The following SV2B variants were observed in gnomAD, a reference collection of about 807,000 sequenced individuals.
The protein encoded by SV2B is solute carrier family 22 member B2.
A neutral mutation model predicts 73.9 loss-of-function variants in SV2B; 41 were observed. That is an observed-to-expected ratio of 0.56 (90% confidence interval 0.43 to 0.72). SV2B has a LOEUF of 0.72. Ranked by LOEUF, SV2B falls within the 30% of genes least tolerant of loss-of-function variation. The probability of loss-of-function intolerance (pLI) is 0.00; values close to 1 mark genes in which losing one functional copy is unlikely to be tolerated. For synonymous variants in SV2B, 314 were observed against 314.2 expected (o/e 1.00, Z 0.01); for missense variants, 764 against 857.8 (o/e 0.89, Z 1.37).
chr15:91,195,055 G>T (rs1206468394), intron 1 of SV2B, among the ~76,000 whole-genome samples: 1 of 152,136 alleles, frequency 6.6e-6, no homozygotes, highest in African/African-American at 2.4e-5. Context: ...ACTCTTACTT[G>T]TTTTAAGTCA....
chr15:91,177,857 C>T (rs1216843913), intron 1 of SV2B, among the ~76,000 whole-genome samples: 1 of 143,988 alleles, frequency 6.9e-6, no homozygotes, highest in Admixed American at 6.8e-5. Flanking sequence ...ATTTGACTTC[C>T]TCTTTTCCTA....
chr15:91,226,816 C>A, intron 2 of SV2B, 102 bp downstream of exon 2: 1 of 1,369,506 alleles, frequency 7.3e-7, no homozygotes, highest in Admixed American at 2.8e-5. Context: ...TCACAATGTA[C>A]CCATTTTGCT....
rs578036220 is a variant in SV2B at position 91,268,124 on chromosome 15, T to A, written c.1209-317T>A. ...AGCCAGTGGGGATGTCTTTAGTGTT[T>A]CCCTATTCACTAAGATTCTGGCTGA... On this transcript the variant is annotated intron_variant, in intron 8 of 12. Coordinates refer to ENST00000394232, the MANE Select transcript of SV2B (RefSeq NM_001323032.3). The surrounding 1 kb of genome is among the most constrained non-coding windows in gnomAD (Gnocchi z 4.4). Among the ~76,000 whole-genome samples, 18 of 152,326 alleles carry A rather than the reference T, an allele frequency of 1.2e-4. No individual in the cohort carries two copies. The highest frequency in any genetic ancestry group is 1.0e-3 in the South Asian group (5 of 4,824).
At chr15:91,150,300 C>A (rs1397565276) in intron 1 of SV2B, among the ~76,000 whole-genome samples, 1 of 152,194 alleles carries the variant, frequency 6.6e-6, no homozygotes, top group Non-Finnish European at 1.5e-5. Context: ...AGCCACCACG[C>A]CCGGCTTCTG....
chr15:91,211,139 C>T (rs912238146), intron 1 of SV2B, among the ~76,000 whole-genome samples: 6 of 152,318 alleles, frequency 3.9e-5, no homozygotes, highest in Admixed American at 1.3e-4. Flanking sequence ...GTTTCGAAGC[C>T]GCTAAGAGAG....
rs768522966 is a variant in SV2B at position 91,289,732 on chromosome 15, A to G, written c.1868+52A>G. On this transcript the variant is annotated intron_variant, in intron 12 of 12. Coordinates refer to ENST00000394232, the MANE Select transcript of SV2B (RefSeq NM_001323032.3). This position sits in a 1 kb window ranked among gnomAD's most constrained non-coding sequence, Gnocchi z 4.9. ...GGGACTTGTTTGGGCTTCTTTGGCC[A>G]GAAGTCTACCTGCTCCCTAAATCTC... The G allele has an allele frequency of 8.9e-6, 14 of 1,578,518 alleles. No individual in the cohort carries two copies. The Admixed American group carries it at 2.5e-4, about 29-fold the overall frequency.
chr15:91,188,620 G>T (rs1052244782), intron 1 of SV2B, among the ~76,000 whole-genome samples: 1 of 151,498 alleles, frequency 6.6e-6, no homozygotes, highest in Admixed American at 6.6e-5. Context: ...CGGCCTGAAT[G>T]TTCCTTATTT....
At chr15:91,244,620 G>C (rs1014113580) in intron 2 of SV2B, among the ~76,000 whole-genome samples, 1 of 152,182 alleles carries the variant, frequency 6.6e-6, no homozygotes, top group African/African-American at 2.4e-5. Context: ...TGGATACCCT[G>C]ATGTTCCTCC....
chr15:91,272,552 G>A (rs116660606), intron 9 of SV2B, among the ~76,000 whole-genome samples: 126 of 152,266 alleles, frequency 8.3e-4, no homozygotes, highest in African/African-American at 2.8e-3. Context: ...AGGTAGGAAC[G>A]TGTAACTGCT....
At chr15:91,177,529 G>A (rs939904117) in intron 1 of SV2B, among the ~76,000 whole-genome samples, 58 of 149,860 alleles carry the variant, frequency 3.9e-4, no homozygotes, top group Non-Finnish European at 5.9e-4. Flanking sequence ...CATGAGCATG[G>A]AATGTTCTTC....
intron 1 of SV2B, among the ~76,000 whole-genome samples, chr15:91,162,831 T>C (rs1025239854): frequency 6.6e-6 from 1 of 152,210 alleles, no homozygotes; most frequent in African/African-American, 2.4e-5. Context: ...GCAGGTTTGT[T>C]ACATATGTAT....
intron 2 of SV2B, among the ~76,000 whole-genome samples, chr15:91,243,056 G>T (rs8027716): frequency 0.28 from 42,307 of 152,062 alleles, 8,195 homozygotes; most frequent in African/African-American, 0.55. Context: ...TGTATAACCT[G>T]CCTGGGCCCT....
chr15:91,201,739 C>G (rs1596571697), intron 1 of SV2B, among the ~76,000 whole-genome samples: 1 of 152,204 alleles, frequency 6.6e-6, no homozygotes, highest in African/African-American at 2.4e-5. Flanking sequence ...TTATCGGATC[C>G]ATCTGCAAAT....
Position 91,281,938 on chromosome 15 carries a change from G to A in SV2B, c.1507+77G>A. On this transcript the variant is annotated intron_variant, in intron 10 of 12. Coordinates refer to ENST00000394232, the MANE Select transcript of SV2B (RefSeq NM_001323032.3). The surrounding 1 kb of genome is among the most constrained non-coding windows in gnomAD (Gnocchi z 4.7). ...GTTGTCCAAGAATCAAAATGGTCAG[G>A]CATAAACTTTAGGAGTAGGAAAGTA... 1 of 1,479,568 alleles carries A rather than the reference G, an allele frequency of 6.8e-7. No individual in the cohort carries two copies. Among genetic ancestry groups the A allele is most frequent in the African/African-American group, 1.4e-5 (1 of 70,452 alleles). 91.7% of individuals were successfully genotyped at this position (1,479,568 alleles called of 1,614,324 possible).
intron 9 of SV2B, among the ~76,000 whole-genome samples, chr15:91,276,805 G>GTTGTTA (rs528279430): frequency 0.026 from 2,377 of 92,084 alleles, 59 homozygotes; most frequent in African/African-American, 0.068. Context: ...TATTGTTGTT[G>GTTGTTA]TTATTATTAT....
rs560878629 is a variant in SV2B at position 91,258,368 on chromosome 15, G to A, written c.785-53G>A. ...GCCAGGGCTTCAGAGTCACTCTTCC[G>A]TAGAGGAAAAGATCATGTCCCAGAA... is the stretch of plus-strand genomic sequence containing the variant. On this transcript the variant is annotated intron_variant, in intron 4 of 12. Transcript: ENST00000394232. This position sits in a 1 kb window ranked among gnomAD's most constrained non-coding sequence, Gnocchi z 4.7. 2.8e-4 allele frequency: 453 copies of A among 1,604,016 alleles called. 5 individuals are homozygous for A. Among genetic ancestry groups the A allele is most frequent in the South Asian group, 2.7e-3 (239 of 88,322 alleles).
rs566941121 is a variant in SV2B, at chr15:91,223,833, G to A, written c.-391-2040G>A. On this transcript the variant is annotated intron_variant, in intron 1 of 12. Coordinates refer to ENST00000394232, the MANE Select transcript of SV2B (RefSeq NM_001323032.3). The surrounding 1 kb of genome is among the most constrained non-coding windows in gnomAD (Gnocchi z 4.6). ...ATTTCTTAGTAAGTATTTCTTGCTG[G>A]CTTCTTTGGCACTGTTTCTCAAAGT... Among the ~76,000 whole-genome samples the A allele has an allele frequency of 1.3e-5, 2 of 152,322 alleles. No individual in the cohort carries two copies. The highest frequency in any genetic ancestry group is 4.8e-5 in the African/African-American group (2 of 41,566).
intron 1 of SV2B, among the ~76,000 whole-genome samples, chr15:91,148,784 C>T (rs1223583933): frequency 1.3e-5 from 2 of 152,158 alleles, no homozygotes; most frequent in Admixed American, 1.3e-4. Flanking sequence ...CATCTGAAGG[C>T]AGAAGACTGA....
intron 5 of SV2B, among the ~76,000 whole-genome samples, chr15:91,259,521 T>A (rs2047830101): frequency 6.6e-6 from 1 of 152,192 alleles, no homozygotes; most frequent in South Asian, 2.1e-4. Context: ...ATGAGTGTCC[T>A]AGGGCTGCTG....
Sources: gnomAD v4.1 joint callset for allele counts (sites outside exome capture counted in the v4.1 genomes callset) on GRCh38, gnomAD v4.1.1 for gene constraint, Gnocchi (gnomAD v3.1) non-coding constraint, MANE v1.5 for transcripts, NCBI Gene and HGNC (gene_info 2026-07-23, HGNC 2026-07-21) for gene names.